Variants in ASB10 observed in about 807,000 individuals in gnomAD.
ASB10 encodes the protein ankyrin repeat and SOCS box containing 10.
ASB10 carries 44 observed loss-of-function variants against 35.4 expected under a neutral mutation model. That is an observed-to-expected ratio of 1.24 (90% confidence interval 0.98 to 1.60). ASB10 has a LOEUF of 1.60. Among genes scored for constraint, ASB10 ranks in the 40% most tolerant of loss-of-function variants. The pLI is 0.00. For missense variants in ASB10, 647 were observed against 634.3 expected (o/e 1.02, Z -0.22); for synonymous variants, 294 against 280.4 (o/e 1.05, Z -0.49).
In ASB10 at chr7:151,187,154, G is replaced by A. The variant is rs1442940634; in HGVS notation, c.-24C>T. On this transcript the variant is annotated 5_prime_UTR_variant, in exon 1 of 6. Coordinates refer to ENST00000420175, the MANE Select transcript of ASB10 (RefSeq NM_001142459.2). The surrounding 1 kb of genome is among the most constrained non-coding windows in gnomAD (Gnocchi z 5.3). The stretch of plus-strand genomic sequence containing the variant: ...ATGTGGGCAGGGAAAGGGGAGTGGG[G>A]AGGAGGAGAGGTATATGCCAAAGGC... 10 of 1,563,012 alleles carry A rather than the reference G, an allele frequency of 6.4e-6. No individual in the cohort carries two copies. Among genetic ancestry groups the A allele is most frequent in the Non-Finnish European group, 8.7e-6 (10 of 1,153,164 alleles).
At chr7:151,185,434 T>TA (rs1299906442) in intron 2 of ASB10, among the ~76,000 whole-genome samples, 2 of 152,110 alleles carry the variant, frequency 1.3e-5, no homozygotes, top group African/African-American at 2.4e-5. Context: ...TCATTTTTTT[T>TA]ATAGGGCTGC....
rs1015539954 is a variant in ASB10, at chr7:151,187,059, A to G, written c.72T>C (p.Cys24=). ...TGCTGGGCTTCTCCACCAGCCTGGC[A>G]CAGAGGGGGTGTCTGTCATCGAGGG... The part of the protein sequence containing the change: ...GEPLDDRHPL[C]ARLVEKPSRG... Residue 24 remains cysteine (C), a synonymous_variant, in exon 1 of 6, where the codon TGT becomes TGC. Transcript: ENST00000420175. The surrounding 1 kb of genome is among the most constrained non-coding windows in gnomAD (Gnocchi z 5.3). 1 of 1,609,988 alleles carries G rather than the reference A, an allele frequency of 6.2e-7. No individual in the cohort carries two copies. Among genetic ancestry groups the G allele is most frequent in the East Asian group, 2.2e-5 (1 of 44,762 alleles).
At chr7:151,178,786 G>A (rs1801434951) in intron 3 of ASB10, among the ~76,000 whole-genome samples, 1 of 152,190 alleles carries the variant, frequency 6.6e-6, no homozygotes, top group South Asian at 2.1e-4. Context: ...CATCTGAGCA[G>A]TGCTCATCAG....
At position 151,180,949 on chromosome 7, in the gene ASB10, G is replaced by A; in HGVS notation, c.1094C>T (p.Ala365Val). 2 of 1,535,020 alleles carry A rather than the reference G, an allele frequency of 1.3e-6. No homozygotes were observed. Among genetic ancestry groups the A allele is most frequent in the Non-Finnish European group, 8.8e-7 (1 of 1,137,296 alleles). The change falls in exon 3 of 6, where the codon GCC becomes GTC. Residue 365 changes from alanine to valine, a missense_variant. Coordinates refer to ENST00000420175, the MANE Select transcript of ASB10 (RefSeq NM_001142459.2). ...NHGAVRVWPG[A>V]LPKVLERWST... ...CTGCAGCCCCCATACCTTGGGGAGGGCCCCTGGCCAGACACGGACGGCGCC... is the reference window on the plus strand; with the variant it reads ...CTGCAGCCCCCATACCTTGGGGAGGACCCCTGGCCAGACACGGACGGCGCC...
Position 151,181,435 on chromosome 7 carries a change from A to C in ASB10, c.608T>G (p.Phe203Cys), listed in dbSNP as rs763532214. 1 of 1,602,172 alleles carries C rather than the reference A, an allele frequency of 6.2e-7. No individual in the cohort carries two copies. The highest frequency in any genetic ancestry group is 2.2e-5 in the East Asian group (1 of 44,628). The change falls in exon 3 of 6, where the codon TTT becomes TGT. Residue 203 changes from phenylalanine to cysteine, a missense_variant. Coordinates refer to ENST00000420175, the MANE Select transcript of ASB10 (RefSeq NM_001142459.2). ...TLECAELLLR[F>C]GARVDGRSEE... ...GGACCGACCATCCACTCTCGCTCCA[A>C]ACCTGAGGAGCAGCTCCGCACACCT... is the stretch of plus-strand genomic sequence containing the variant.
chr7:151,187,633 G>C (rs1264265446), upstream of ASB10: 9 of 1,537,946 alleles, frequency 5.9e-6, no homozygotes, highest in Admixed American at 1.8e-4. The surrounding 1 kb of genome is among the most constrained non-coding windows in gnomAD (Gnocchi z 5.3). Context: ...CTGGGCGGGA[G>C]TGGGGCCTCC....
At chr7:151,187,335 T>C, upstream of ASB10, 1 of 1,523,118 alleles carries the variant, frequency 6.6e-7, no homozygotes, top group East Asian at 2.5e-5. The surrounding 1 kb of genome is among the most constrained non-coding windows in gnomAD (Gnocchi z 5.3). Flanking sequence ...TGGGCAAGCT[T>C]TGAGGTCGGG....
upstream of ASB10, chr7:151,187,381 C>T: frequency 6.5e-7 from 1 of 1,548,062 alleles, no homozygotes; most frequent in Non-Finnish European, 8.7e-7. This position sits in a 1 kb window ranked among gnomAD's most constrained non-coding sequence, Gnocchi z 5.3. Context: ...TCACTCAAGC[C>T]CTTAGGACCT....
At chr7:151,178,878 C>T (rs1345916611) in intron 3 of ASB10, among the ~76,000 whole-genome samples, 1 of 152,210 alleles carries the variant, frequency 6.6e-6, no homozygotes, top group Non-Finnish European at 1.5e-5. Flanking sequence ...CTCCTCTCCA[C>T]CTGCCCCTCA....
Position 151,187,055 on chromosome 7 carries a change from T to G in ASB10, c.76A>C (p.Arg26=), listed in dbSNP as rs1283103659. 1 of 1,610,350 alleles carries G rather than the reference T, an allele frequency of 6.2e-7. No individual in the cohort carries two copies. Among genetic ancestry groups the G allele is most frequent in the Non-Finnish European group, 8.5e-7 (1 of 1,178,346 alleles). Residue 26 remains arginine (R), a synonymous_variant, in exon 1 of 6, where the codon AGG becomes CGG. Transcript: ENST00000420175. This position sits in a 1 kb window ranked among gnomAD's most constrained non-coding sequence, Gnocchi z 5.3. The part of the protein sequence containing the change: ...PLDDRHPLCA[R]LVEKPSRGSE... ...CCTCTGCTGGGCTTCTCCACCAGCC[T>G]GGCACAGAGGGGGTGTCTGTCATCG...
intron 3 of ASB10, among the ~76,000 whole-genome samples, chr7:151,179,037 G>A (rs1801439693): frequency 6.6e-6 from 1 of 152,114 alleles, no homozygotes; most frequent in Non-Finnish European, 1.5e-5. Flanking sequence ...AGCCCATGCA[G>A]CTACATCAAC....
intron 2 of ASB10, among the ~76,000 whole-genome samples, chr7:151,185,176 C>CA (rs1342416338): frequency 1.4e-5 from 2 of 141,500 alleles, no homozygotes; most frequent in Non-Finnish European, 3.0e-5. Context: ...TGCAGTGGCG[C>CA]AATCTAATCT....
chr7:151,186,288 A>G (rs1256104068), intron 2 of ASB10, 104 bp downstream of exon 2: 4 of 1,391,446 alleles, frequency 2.9e-6, no homozygotes, highest in East Asian at 2.5e-5. Context: ...CCAAGCCTGG[A>G]CTGCTCTGTC....
chr7:151,187,657 C>T (rs746570835), upstream of ASB10: 51 of 1,523,378 alleles, frequency 3.3e-5, no homozygotes, highest in African/African-American at 1.2e-4. The surrounding 1 kb of genome is among the most constrained non-coding windows in gnomAD (Gnocchi z 5.3). Context: ...TCCGGCAGGC[C>T]GGGGCGGAGG....
At chr7:151,184,549 C>T (rs1801552043) in intron 2 of ASB10, among the ~76,000 whole-genome samples, 1 of 152,062 alleles carries the variant, frequency 6.6e-6, no homozygotes, top group Non-Finnish European at 1.5e-5. Context: ...TGTTCACATT[C>T]AGAGACAGAA....
chr7:151,181,264 C>G lies in ASB10; in HGVS notation c.779G>C (p.Cys260Ser). The G allele has an allele frequency of 6.2e-7, 1 of 1,613,110 alleles. No homozygotes were observed. The highest frequency in any genetic ancestry group is 1.6e-4 in the Middle Eastern group (1 of 6,062). ...GGCCTCGGCATCGGTGATGGACTGG[C>G]AGCGGACGTCACAGGCAGCCAGCAG... is the stretch of plus-strand genomic sequence containing the variant. ...TPLLAACDVR[C>S]QSITDAEATT... Residue 260 changes from cysteine (C) to serine (S), a missense_variant, in exon 3 of 6, where the codon TGC becomes TCC. Physicochemically the swap from Cys to Ser is moderately radical, Grantham distance 112. Transcript: ENST00000420175.
upstream of ASB10, chr7:151,187,767 T>C: frequency 6.9e-7 from 1 of 1,449,306 alleles, no homozygotes. The surrounding 1 kb of genome is among the most constrained non-coding windows in gnomAD (Gnocchi z 5.3). Context: ...CCAGCGATGT[T>C]GCTGGTGGAC....
At chr7:151,186,246 G>T in intron 2 of ASB10, 146 bp downstream of exon 2, 3 of 1,023,388 alleles carry the variant, frequency 2.9e-6, no homozygotes, top group East Asian at 2.7e-5. Flanking sequence ...CGGGTGGATG[G>T]CTTGGGAAGT....
chr7:151,186,459 C>G lies in ASB10; in HGVS notation c.517G>C (p.Asp173His), dbSNP rs757429484. The G allele has an allele frequency of 6.3e-7, 1 of 1,593,078 alleles. No homozygotes were observed. Residue 173 changes from aspartate (D) to histidine (H), a missense_variant, in exon 2 of 6, where the codon GAC becomes CAC. By Grantham distance (81) the Asp-to-His change is moderately conservative (BLOSUM62 -1). Coordinates refer to ENST00000420175, the MANE Select transcript of ASB10 (RefSeq NM_001142459.2). ...CVHVLLVAGADPNIADQDGKR... is the reference protein window; with the variant it reads ...CVHVLLVAGAHPNIADQDGKR... ...CCATCCTGGTCAGCGATGTTGGGGT[C>G]GGCTCCTGCCACCAGCAGCACATGA...
Sources: allele counts gnomAD v4.1 joint callset (sites outside exome capture counted in the v4.1 genomes callset), GRCh38; gene constraint gnomAD v4.1.1; non-coding constraint Gnocchi (gnomAD v3.1); transcripts MANE v1.5; gene names NCBI Gene and HGNC (gene_info 2026-07-23, HGNC 2026-07-21).